Variants in RUNX1 observed in about 807,000 individuals in gnomAD.
RUNX1 encodes runt-related transcription factor 1.
A neutral mutation model predicts 42.8 loss-of-function variants in RUNX1; 19 were observed. The ratio of observed to expected loss-of-function variants is 0.44; its 90% CI spans 0.31 to 0.65. The LOEUF (loss-of-function observed/expected upper bound fraction) is 0.65, where lower values mean the gene tolerates loss of function less well. Ranked by LOEUF, RUNX1 falls within the 30% of genes least tolerant of loss-of-function variation. RUNX1 has a pLI of 0.07. For missense variants in RUNX1, 528 were observed against 672.0 expected, an observed-to-expected ratio of 0.79 and a Z score of 2.37; for synonymous variants, 271 against 289.4, an observed-to-expected ratio of 0.94 and a Z score of 0.64.
intron 3 of RUNX1, 168 bp from the exon 4 acceptor site, chr21:34,887,264 G>A (rs1020559513): frequency 1.5e-6 from 2 of 1,331,052 alleles, no homozygotes; most frequent in Non-Finnish European, 9.7e-7. Context: ...GGGGTGGTTA[G>A]GGGAGGAGGG....
At chr21:34,808,443 CA>C (rs929954101) in intron 7 of RUNX1, among the ~76,000 whole-genome samples, 9 of 152,284 alleles carry the variant, frequency 5.9e-5, no homozygotes, top group African/African-American at 2.2e-4. Flanking sequence ...CCGTATTCAT[CA>C]CCTCGCCGGG....
chr21:34,879,725 T>C (rs1569078101), intron 5 of RUNX1, among the ~76,000 whole-genome samples: 3 of 152,218 alleles, frequency 2.0e-5, no homozygotes, highest in African/African-American at 7.2e-5. Flanking sequence ...TTACTACTTG[T>C]TGCTATTTAT....
rs530886074 is a variant in RUNX1 at position 35,007,384 on chromosome 21, T to C, written c.58+41458A>G. ...CTCTCAGGCTTTGGGGGAAATGCTC[T>C]CCCCCAGCCCCACCCCAGAACTGTG... On this transcript the variant is annotated intron_variant, in intron 2 of 8. Transcript: ENST00000675419. Among the ~76,000 whole-genome samples, 37 of 152,044 alleles carry C rather than the reference T, an allele frequency of 2.4e-4. 1 individual carries two copies. The South Asian group carries it at 6.2e-3, about 26-fold the overall frequency.
At chr21:34,895,760 G>A (rs1199983324) in intron 2 of RUNX1, among the ~76,000 whole-genome samples, 1 of 152,108 alleles carries the variant, frequency 6.6e-6, no homozygotes, top group Non-Finnish European at 1.5e-5. Context: ...CATAGACGTA[G>A]ATAGGTCATT....
chr21:34,967,014 T>C (rs2058723597), intron 2 of RUNX1, among the ~76,000 whole-genome samples: 2 of 151,992 alleles, frequency 1.3e-5, no homozygotes, highest in African/African-American at 2.4e-5. Flanking sequence ...AAAAAAATCT[T>C]AGGGATGTAA....
intron 5 of RUNX1, 101 bp downstream of exon 5, chr21:34,880,456 C>A (rs532099759): frequency 9.0e-7 from 1 of 1,106,198 alleles, no homozygotes; most frequent in African/African-American, 1.5e-5. Flanking sequence ...TTAAGACAGA[C>A]CGAGTTTCTA....
chr21:34,894,914 CACACACACACACACAT>C (rs1359390563), intron 2 of RUNX1, among the ~76,000 whole-genome samples: 77 of 145,666 alleles, frequency 5.3e-4, no homozygotes, highest in African/African-American at 2.0e-3. Flanking sequence ...CACACACACA[CACACACACACACACAT>C]ATTCATATCT....
chr21:34,996,691 GA>G (rs1366244051), intron 2 of RUNX1, among the ~76,000 whole-genome samples: 5 of 151,786 alleles, frequency 3.3e-5, no homozygotes, highest in Non-Finnish European at 7.4e-5. Context: ...TCCTCTTATT[GA>G]AACTGTAAGT....
intron 2 of RUNX1, among the ~76,000 whole-genome samples, chr21:35,045,843 G>T (rs1187494573): frequency 6.6e-6 from 1 of 152,130 alleles, no homozygotes; most frequent in Non-Finnish European, 1.5e-5. Context: ...CTGCTTCAGT[G>T]GGGTAAACTT....
intron 2 of RUNX1, among the ~76,000 whole-genome samples, chr21:34,981,589 T>C (rs1242564412): frequency 6.6e-6 from 1 of 152,208 alleles, no homozygotes; most frequent in East Asian, 1.9e-4. Flanking sequence ...TATTTATGGA[T>C]TTAGTAATGA....
At chr21:34,821,570 G>T in intron 7 of RUNX1, 4 of 1,543,698 alleles carry the variant, frequency 2.6e-6, no homozygotes, top group Non-Finnish European at 3.5e-6. Flanking sequence ...CATTCTGAGG[G>T]CTGTCATCTT....
chr21:34,792,484 C>T lies in RUNX1; in HGVS notation c.1094G>A (p.Gly365Asp), dbSNP rs1225645057. ...CGAGCCCATGGCCGACATGCCGATG[C>T]CGATGCCCGAGGTGACCGGCGTCGG... ...YSPTPVTSGI[G>D]IGMSAMGSAT... The change falls in exon 9 of 9, where the codon GGC becomes GAC. Residue 365 changes from glycine (G) to aspartate (D), a missense_variant. Transcript: ENST00000675419. This position sits in a 1 kb window ranked among gnomAD's most constrained non-coding sequence, Gnocchi z 6.9. 6.3e-7 allele frequency: 1 copy of T among 1,590,620 alleles called. No individual in the cohort carries two copies. Among genetic ancestry groups the T allele is most frequent in the Non-Finnish European group, 8.6e-7 (1 of 1,168,672 alleles).
At chr21:34,906,658 T>TAAA (rs892203153) in intron 2 of RUNX1, among the ~76,000 whole-genome samples, 2 of 152,118 alleles carry the variant, frequency 1.3e-5, no homozygotes, top group Non-Finnish European at 2.9e-5. Context: ...TGCATTTAAA[T>TAAA]AAAAAAAGGC....
chr21:35,038,472 C>A, intron 2 of RUNX1: 1 of 454,892 alleles, frequency 2.2e-6, no homozygotes, highest in Non-Finnish European at 4.4e-6. Flanking sequence ...GACATGACAG[C>A]AGCAGTTTCT....
intron 2 of RUNX1, among the ~76,000 whole-genome samples, chr21:34,978,780 T>C (rs1168314331): frequency 3.2e-4 from 48 of 152,152 alleles, no homozygotes; most frequent in Admixed American, 3.1e-3. Context: ...TGATAAACTG[T>C]GGGCTGTTGT....
chr21:34,820,639 C>T (rs963780874), intron 7 of RUNX1, among the ~76,000 whole-genome samples: 15 of 149,248 alleles, frequency 1.0e-4, no homozygotes, highest in African/African-American at 3.4e-4. Context: ...AGTGAAACAC[C>T]GTCTCAAAAA....
intron 2 of RUNX1, among the ~76,000 whole-genome samples, chr21:35,034,568 A>G (rs1236598497): frequency 6.6e-6 from 1 of 152,230 alleles, no homozygotes; most frequent in Non-Finnish European, 1.5e-5. Flanking sequence ...CTCAGGGGTC[A>G]TCTGGCAATG....
intron 7 of RUNX1, among the ~76,000 whole-genome samples, chr21:34,827,881 A>G (rs2057010981): frequency 6.6e-6 from 1 of 152,234 alleles, no homozygotes; most frequent in Admixed American, 6.5e-5. Context: ...CTAGAAGCTC[A>G]GGCCAAGACC....
chr21:34,803,004 G>T (rs967974037), intron 7 of RUNX1, among the ~76,000 whole-genome samples: 14 of 152,198 alleles, frequency 9.2e-5, no homozygotes, highest in African/African-American at 3.4e-4. Flanking sequence ...AAAAGGAAAA[G>T]AAATCCATGC....
Sources: gnomAD v4.1 joint callset for allele counts (sites outside exome capture counted in the v4.1 genomes callset) on GRCh38, gnomAD v4.1.1 for gene constraint, Gnocchi (gnomAD v3.1) non-coding constraint, MANE v1.5 for transcripts, NCBI Gene and HGNC (gene_info 2026-07-23, HGNC 2026-07-21) for gene names.